The following CFAP43 variants were observed in gnomAD, a reference collection of about 807,000 sequenced individuals.
CFAP43 encodes the protein cilia and flagella associated protein 43, also known as cilia- and flagella-associated protein 43.
In CFAP43, 155 loss-of-function variants were observed where a neutral mutation model predicts 218.9. The ratio of observed to expected loss-of-function variants is 0.71; its 90% CI spans 0.62 to 0.81. CFAP43 has a LOEUF of 0.81. CFAP43 is among the 30% of genes least tolerant of loss of function. The pLI, the probability that CFAP43 is intolerant of heterozygous loss-of-function variation, is 0.00. For missense variants in CFAP43, 1,778 were observed against 1,954.3 expected (o/e 0.91, Z 1.70); for synonymous variants, 645 against 681.3 (o/e 0.95, Z 0.83).
intron 8 of CFAP43, among the ~76,000 whole-genome samples, chr10:104,201,817 T>C (rs1392070957): frequency 6.6e-6 from 1 of 152,180 alleles, no homozygotes; most frequent in Admixed American, 6.5e-5. Flanking sequence ...TTCCTCTGCC[T>C]GAAGTAAATT....
At chr10:104,215,901 A>C (rs1423426260) in intron 3 of CFAP43, among the ~76,000 whole-genome samples, 1 of 151,934 alleles carries the variant, frequency 6.6e-6, no homozygotes, top group Non-Finnish European at 1.5e-5. Context: ...CTCCTACCTA[A>C]GGCCAATTCC....
intron 8 of CFAP43, among the ~76,000 whole-genome samples, chr10:104,198,438 C>T (rs773449202): frequency 3.3e-5 from 5 of 150,386 alleles, no homozygotes; most frequent in African/African-American, 9.8e-5. Context: ...TGCGCCACCA[C>T]GCCCGGCTAA....
chr10:104,169,872 C>T (rs1042704304), intron 20 of CFAP43, among the ~76,000 whole-genome samples: 1 of 152,160 alleles, frequency 6.6e-6, no homozygotes, highest in South Asian at 2.1e-4. Flanking sequence ...CTAGCCCACT[C>T]GGCCCTCCTC....
Position 104,164,278 on chromosome 10 carries a change from G to A in CFAP43, c.3062C>T (p.Thr1021Ile). 1 of 1,605,810 alleles carries A rather than the reference G, an allele frequency of 6.2e-7. No individual in the cohort carries two copies. Among genetic ancestry groups the A allele is most frequent in the Non-Finnish European group, 8.5e-7 (1 of 1,174,938 alleles). The change falls in exon 24 of 38, where the codon ACT becomes ATT. Residue 1021 changes from threonine to isoleucine, a missense_variant. This residue lies in a region of CFAP43 where 1,553 missense variants were observed against 1,685.2 expected (regional missense o/e 0.92). Coordinates refer to ENST00000357060, the MANE Select transcript of CFAP43 (RefSeq NM_025145.7). Reference protein sequence around the residue: ...LLKDIIYKVKTVFNNEFDAAY... With the variant: ...LLKDIIYKVKIVFNNEFDAAY... ...AGCGTCAAACTCATTATTGAAAACA[G>A]TTTTTACCTTGTAAATGATATCCTG...
chr10:104,187,427 C>T lies in CFAP43; in HGVS notation c.1753G>A (p.Glu585Lys), dbSNP rs1263860405. Residue 585 changes from glutamate to lysine, a missense_variant, in exon 14 of 38, where the codon GAG becomes AAG. Glu to Lys is a moderately conservative substitution (Grantham distance 56). Transcript: ENST00000357060. The part of the protein sequence containing the change: ...KDEIIHKYLY[E>K]LEHALSSAVL... ...GCAGAGGACAGAGCGTGCTCCAACT[C>T]ATACAGGTACTTATGAATGATTTCA... is the stretch of plus-strand genomic sequence containing the variant. 6 of 1,607,242 alleles carry T rather than the reference C, an allele frequency of 3.7e-6. No homozygotes were observed. The highest frequency in any genetic ancestry group is 1.6e-4 in the Middle Eastern group (1 of 6,072).
chr10:104,206,738 C>T (rs2090701772), intron 6 of CFAP43, among the ~76,000 whole-genome samples: 1 of 152,198 alleles, frequency 6.6e-6, no homozygotes, highest in South Asian at 2.1e-4. Flanking sequence ...GGCAAGGCCC[C>T]CTCCTCCCAG....
chr10:104,161,124 A>G lies in CFAP43; in HGVS notation c.3453T>C (p.Ala1151=). The G allele has an allele frequency of 6.2e-7, 1 of 1,613,830 alleles. No individual in the cohort carries two copies. The highest frequency in any genetic ancestry group is 8.5e-7 in the Non-Finnish European group (1 of 1,179,862). ...GTTTTCTTTCTTCTTCAGTCCACACAGCATCAGGTTTTGCCATGAAAGCAG... is the reference window on the plus strand; with the variant it reads ...GTTTTCTTTCTTCTTCAGTCCACACGGCATCAGGTTTTGCCATGAAAGCAG... ...PQPAFMAKPD[A]VWTEEERKQF... Residue 1151 remains alanine, a synonymous_variant, in exon 27 of 38, where the codon GCT becomes GCC. Transcript: ENST00000357060.
chr10:104,175,096 A>C (rs1005539639), intron 19 of CFAP43, among the ~76,000 whole-genome samples: 2 of 151,602 alleles, frequency 1.3e-5, no homozygotes, highest in East Asian at 3.9e-4. Flanking sequence ...AACAAAAAAA[A>C]ACCAAAAAGA....
intron 36 of CFAP43, 125 bp downstream of exon 36, chr10:104,131,991 A>T: frequency 1.6e-6 from 1 of 640,428 alleles, no homozygotes; most frequent in Non-Finnish European, 2.5e-6. Context: ...TAATTACCTC[A>T]TGAATACTAG....
chr10:104,222,393 G>A (rs577662105), intron 3 of CFAP43, among the ~76,000 whole-genome samples: 6 of 152,278 alleles, frequency 3.9e-5, no homozygotes, highest in Non-Finnish European at 8.8e-5. Context: ...GGGTGCCATC[G>A]GGGTTGCTCC....
chr10:104,182,230 CTT>C (rs1319802757), intron 17 of CFAP43, 134 bp downstream of exon 17: 9 of 988,028 alleles, frequency 9.1e-6, no homozygotes, highest in Non-Finnish European at 7.1e-6. Flanking sequence ...AGCTTATTCC[CTT>C]TTTGAAAATC....
rs776892587 is a variant in CFAP43 at position 104,131,411 on chromosome 10, A to G, written c.4751T>C (p.Ile1584Thr). Residue 1584 changes from isoleucine (I) to threonine (T), a missense_variant, in exon 37 of 38, where the codon ATA becomes ACA. Physicochemically the swap from Ile to Thr is moderately conservative, Grantham distance 89. Coordinates refer to ENST00000357060, the MANE Select transcript of CFAP43 (RefSeq NM_025145.7). Reference protein sequence around the residue: ...KLGKFSNQKDIANYALSCNLR... With the variant: ...KLGKFSNQKDTANYALSCNLR... ...ATTGCAGCTTAGGGCATAATTTGCT[A>G]TATCTTTTTGATTGCTGAACTTTCC... 6.2e-6 allele frequency: 10 copies of G among 1,613,768 alleles called. No individual in the cohort carries two copies. The Middle Eastern group carries it at 6.6e-4, about 107-fold the overall frequency.
chr10:104,186,227 A>C lies in CFAP43; in HGVS notation c.1861-104T>G, dbSNP rs479879. The C allele has an allele frequency of 0.43, 409,595 of 953,326 alleles. 89,602 individuals carry two copies. The highest frequency in any genetic ancestry group is 0.66 in the African/African-American group (39,255 of 59,336). The allele number at this position is 953,326 out of a possible 1,614,324, so 59.1% of individuals were successfully genotyped here. Reference sequence around the variant, plus strand: ...GTTGTATATTGTCATTGTAAATAAAATGATATGGCATAAAGTGCAAACATT... The same window carrying C: ...GTTGTATATTGTCATTGTAAATAAACTGATATGGCATAAAGTGCAAACATT... On this transcript the variant is annotated intron_variant, in intron 14 of 37. Transcript: ENST00000357060.
At chr10:104,177,147 C>T (rs954400754) in intron 19 of CFAP43, among the ~76,000 whole-genome samples, 1 of 151,828 alleles carries the variant, frequency 6.6e-6, no homozygotes, top group African/African-American at 2.4e-5. Context: ...AAATGCCCAT[C>T]GAAGTCTAGC....
intron 19 of CFAP43, among the ~76,000 whole-genome samples, chr10:104,176,058 G>T (rs938938414): frequency 2.6e-5 from 4 of 152,058 alleles, no homozygotes; most frequent in African/African-American, 7.2e-5. Flanking sequence ...ACATAAAAAG[G>T]CCAATTTTTT....
intron 10 of CFAP43, among the ~76,000 whole-genome samples, chr10:104,194,244 AT>A (rs1443971551): frequency 6.6e-6 from 1 of 152,162 alleles, no homozygotes; most frequent in East Asian, 1.9e-4. Context: ...AGTAATAAAA[AT>A]TAGAGAGAGA....
intron 26 of CFAP43, among the ~76,000 whole-genome samples, chr10:104,161,677 C>G (rs1589672047): frequency 6.6e-6 from 1 of 152,108 alleles, no homozygotes; most frequent in African/African-American, 2.4e-5. Context: ...GTCTCTCAGG[C>G]TGGAGTGCAG....
At chr10:104,225,759 T>C (rs1203144812) in intron 2 of CFAP43, among the ~76,000 whole-genome samples, 1 of 152,212 alleles carries the variant, frequency 6.6e-6, no homozygotes, top group Non-Finnish European at 1.5e-5. Context: ...TTGTAAAATA[T>C]ATTAAAGTGA....
intron 3 of CFAP43, among the ~76,000 whole-genome samples, chr10:104,220,961 T>C (rs1589810991): frequency 6.6e-6 from 1 of 150,582 alleles, no homozygotes; most frequent in East Asian, 1.9e-4. Flanking sequence ...TGTGTGTGTG[T>C]GTGTGTGTGT....
Sources: gnomAD v4.1 joint callset for allele counts (sites outside exome capture counted in the v4.1 genomes callset) on GRCh38, gnomAD v4.1.1 for gene constraint, gnomAD v4.1.1 regional missense constraint, MANE v1.5 for transcripts, NCBI Gene and HGNC (gene_info 2026-07-23, HGNC 2026-07-21) for gene names.